The following LRIG1 variants were observed in gnomAD, a reference collection of about 807,000 sequenced individuals.
The protein encoded by LRIG1 is leucine rich repeats and immunoglobulin like domains 1, also known as leucine-rich repeats and immunoglobulin-like domains protein 1.
A neutral mutation model predicts 99.2 loss-of-function variants in LRIG1; 48 were observed. That is an observed-to-expected ratio of 0.48 (90% CI 0.38 to 0.62). The LOEUF is 0.62. LRIG1 is among the 20% of genes least tolerant of loss of function. The pLI is 0.00. For synonymous variants in LRIG1, 772 were observed against 596.1 expected (o/e 1.29, Z -4.30); for missense variants, 1,646 against 1,434.4 (o/e 1.15, Z -2.38).
At chr3:66,470,742 T>C (rs921869138) in intron 1 of LRIG1, among the ~76,000 whole-genome samples, 4 of 152,172 alleles carry the variant, frequency 2.6e-5, no homozygotes, top group African/African-American at 9.7e-5. Flanking sequence ...GAGGCCCAAT[T>C]TGTTTTCTCA....
chr3:66,399,254 T>A (rs1454087040), intron 9 of LRIG1, among the ~76,000 whole-genome samples: 8 of 152,210 alleles, frequency 5.3e-5, no homozygotes, highest in Non-Finnish European at 1.2e-4. Flanking sequence ...TACTTTTATC[T>A]TTATTAGAAT....
intron 1 of LRIG1, among the ~76,000 whole-genome samples, chr3:66,481,314 T>C (rs1056965664): frequency 6.6e-6 from 1 of 152,262 alleles, no homozygotes; most frequent in Non-Finnish European, 1.5e-5. Context: ...CACTCTGATA[T>C]TGGTGGCTTT....
At chr3:66,437,513 C>A (rs923236373) in intron 3 of LRIG1, among the ~76,000 whole-genome samples, 1 of 152,164 alleles carries the variant, frequency 6.6e-6, no homozygotes, top group Non-Finnish European at 1.5e-5. Context: ...TGGAGAGCCA[C>A]GCCCTCCAGC....
At chr3:66,475,576 T>G (rs1290519755) in intron 1 of LRIG1, among the ~76,000 whole-genome samples, 1 of 152,232 alleles carries the variant, frequency 6.6e-6, no homozygotes, top group Non-Finnish European at 1.5e-5. Context: ...TCCGCATGGC[T>G]ACACAAACAT....
chr3:66,418,836 C>G (rs967189574), intron 3 of LRIG1, among the ~76,000 whole-genome samples: 2 of 152,078 alleles, frequency 1.3e-5, no homozygotes, highest in Admixed American at 6.6e-5. Context: ...CTCCCAGGCC[C>G]TGAACTCGAA....
At chr3:66,454,475 G>A (rs997022256) in intron 2 of LRIG1, among the ~76,000 whole-genome samples, 1 of 152,012 alleles carries the variant, frequency 6.6e-6, no homozygotes, top group African/African-American at 2.4e-5. Flanking sequence ...AAATATCTAC[G>A]ATTGTACAGT....
intron 1 of LRIG1, among the ~76,000 whole-genome samples, chr3:66,475,926 C>T (rs1232900451): frequency 6.6e-6 from 1 of 152,170 alleles, no homozygotes; most frequent in Non-Finnish European, 1.5e-5. Flanking sequence ...ACGTAATTCG[C>T]CACTACAAAG....
At chr3:66,478,362 C>G (rs1700771584) in intron 1 of LRIG1, among the ~76,000 whole-genome samples, 1 of 152,202 alleles carries the variant, frequency 6.6e-6, no homozygotes, top group Non-Finnish European at 1.5e-5. Context: ...CAGGTGTGCG[C>G]AGGCAGGAGT....
At chr3:66,410,330 A>G (rs1375828936) in intron 6 of LRIG1, 58 bp from the exon 7 acceptor site, 12 of 1,523,820 alleles carry the variant, frequency 7.9e-6, no homozygotes, top group Non-Finnish European at 9.8e-6. Context: ...CACTGGACAG[A>G]CAGCAAATGA....
intron 12 of LRIG1, among the ~76,000 whole-genome samples, chr3:66,391,788 AAGC>A (rs1324969174): frequency 6.6e-6 from 1 of 152,064 alleles, no homozygotes; most frequent in Non-Finnish European, 1.5e-5. Context: ...TTCTTTTTAA[AAGC>A]AGCTTTATTG....
intron 9 of LRIG1, among the ~76,000 whole-genome samples, chr3:66,402,319 T>C (rs1702090188): frequency 6.6e-6 from 1 of 152,192 alleles, no homozygotes; most frequent in Non-Finnish European, 1.5e-5. Flanking sequence ...GGAGTGGGTC[T>C]ACAGCAGAAT....
intron 3 of LRIG1, among the ~76,000 whole-genome samples, chr3:66,443,306 T>C (rs1272152460): frequency 3.7e-5 from 3 of 81,538 alleles, no homozygotes; most frequent in Non-Finnish European, 6.7e-5. Flanking sequence ...GGAGGGTATG[T>C]GTTGGGGGCA....
intron 1 of LRIG1, among the ~76,000 whole-genome samples, chr3:66,481,078 C>T (rs564578909): frequency 4.6e-5 from 7 of 152,252 alleles, no homozygotes; most frequent in African/African-American, 1.7e-4. Context: ...AAATGGCCAA[C>T]GGTCCCCCTG....
intron 1 of LRIG1, among the ~76,000 whole-genome samples, chr3:66,482,382 A>G (rs778168784): frequency 2.6e-5 from 4 of 152,264 alleles, no homozygotes; most frequent in Admixed American, 6.5e-5. Flanking sequence ...CTGAGCATCA[A>G]CAAAGGAAGG....
chr3:66,451,990 G>A (rs936930896), intron 2 of LRIG1, among the ~76,000 whole-genome samples: 2 of 152,164 alleles, frequency 1.3e-5, no homozygotes, highest in African/African-American at 2.4e-5. Flanking sequence ...AACACTCCCC[G>A]TGGGCCGAAA....
chr3:66,497,838 T>C (rs1054642146), intron 1 of LRIG1, among the ~76,000 whole-genome samples: 1 of 152,132 alleles, frequency 6.6e-6, no homozygotes, highest in Non-Finnish European at 1.5e-5. Context: ...TCAAAGCATT[T>C]TCTAGACACC....
At chr3:66,469,541 T>C (rs948614675) in intron 1 of LRIG1, among the ~76,000 whole-genome samples, 4 of 152,192 alleles carry the variant, frequency 2.6e-5, no homozygotes, top group Non-Finnish European at 5.9e-5. Context: ...CATGCCTACC[T>C]CTGTGATCCC....
At position 66,380,219 on chromosome 3, in the gene LRIG1, T is replaced by C; in HGVS notation, c.*44A>G. 6.5e-7 allele frequency: 1 copy of C among 1,530,366 alleles called. No individual in the cohort carries two copies. 94.8% of individuals were successfully genotyped at this position (1,530,366 alleles called of 1,614,324 possible). A position where few individuals can be genotyped will look rare whatever the true frequency, so the allele number is the denominator to read the frequency against. On this transcript the variant is annotated 3_prime_UTR_variant, in exon 19 of 19. Transcript: ENST00000273261. Reference sequence around the variant, plus strand: ...TTCCTCGCAGCCTCTCCTACCTCTCTTTCCCGTAGAGATTGGTATGACAAG... The same window carrying C: ...TTCCTCGCAGCCTCTCCTACCTCTCCTTCCCGTAGAGATTGGTATGACAAG...
intron 1 of LRIG1, among the ~76,000 whole-genome samples, chr3:66,474,491 G>A (rs903167504): frequency 2.2e-4 from 34 of 151,764 alleles, no homozygotes; most frequent in Non-Finnish European, 4.6e-4. Context: ...GATTACAGGC[G>A]CCCGCCACTG....
Sources: allele counts gnomAD v4.1 joint callset (sites outside exome capture counted in the v4.1 genomes callset), GRCh38; gene constraint gnomAD v4.1.1; transcripts MANE v1.5; gene names NCBI Gene and HGNC (gene_info 2026-07-23, HGNC 2026-07-21).